TSPAN11: variants seen among roughly 807,000 people sequenced by gnomAD.
TSPAN11 encodes tetraspanin 11.
In TSPAN11, 29 loss-of-function variants were observed where a neutral mutation model predicts 32.9. The ratio of observed to expected loss-of-function variants is 0.88; its 90% confidence interval spans 0.66 to 1.20. The LOEUF (loss-of-function observed/expected upper bound fraction) is 1.20, where lower values mean the gene tolerates loss of function less well. TSPAN11 is among the 50% of genes most tolerant of loss of function. The pLI, the probability that TSPAN11 is intolerant of heterozygous loss-of-function variation, is 0.00. For synonymous variants in TSPAN11, 140 were observed against 141.3 expected, an observed-to-expected ratio of 0.99 and a Z score of 0.07; for missense variants, 283 against 329.1, an observed-to-expected ratio of 0.86 and a Z score of 1.08.
chr12:30,992,231 G>T lies in TSPAN11; in HGVS notation c.*316G>T, dbSNP rs575994158. ...TGGACTACGGGAGGGTGGCGGTTGGGTTCTCTGCTCCCTCCCAGCTCCTGA... is the reference window on the plus strand; with the variant it reads ...TGGACTACGGGAGGGTGGCGGTTGGTTTCTCTGCTCCCTCCCAGCTCCTGA... On this transcript the variant is annotated 3_prime_UTR_variant, in exon 8 of 8. Transcript: ENST00000546076. The T allele has an allele frequency of 7.1e-4, 309 of 433,908 alleles. 1 individual carries two copies. Among genetic ancestry groups the T allele is most frequent in the Non-Finnish European group, 1.2e-3 (277 of 236,696 alleles). 26.9% of individuals were successfully genotyped at this position (433,908 alleles called of 1,614,324 possible). A position where few individuals can be genotyped will look rare whatever the true frequency, so the allele number is the denominator to read the frequency against.
downstream of TSPAN11, among the ~76,000 whole-genome samples, chr12:30,996,782 G>A (rs79050766): frequency 0.02 from 3,017 of 152,264 alleles, 42 homozygotes; most frequent in Middle Eastern, 0.037. Context: ...CCTCATCACT[G>A]ATGTGTTTGA....
At chr12:30,934,660 T>C (rs901707652) in intron 1 of TSPAN11, among the ~76,000 whole-genome samples, 18 of 152,098 alleles carry the variant, frequency 1.2e-4, no homozygotes, top group African/African-American at 4.3e-4. Flanking sequence ...AATTTTTTTC[T>C]TTTAGCTCGT....
At chr12:30,933,960 G>A (rs1027888925) in intron 1 of TSPAN11, among the ~76,000 whole-genome samples, 2 of 152,108 alleles carry the variant, frequency 1.3e-5, no homozygotes, top group East Asian at 1.9e-4. Context: ...ACACACCGGG[G>A]CCCCCATAAG....
At chr12:30,962,980 T>C (rs767470013) in intron 2 of TSPAN11, among the ~76,000 whole-genome samples, 110 of 152,118 alleles carry the variant, frequency 7.2e-4, no homozygotes, top group Non-Finnish European at 1.2e-3. Flanking sequence ...TCATTGCAAA[T>C]AGAACCAGCC....
intron 5 of TSPAN11, among the ~76,000 whole-genome samples, chr12:30,980,332 C>T (rs1168533938): frequency 1.3e-5 from 2 of 152,200 alleles, no homozygotes; most frequent in Admixed American, 6.5e-5. Flanking sequence ...CAATTAAATA[C>T]AACATTCAGT....
downstream of TSPAN11, among the ~76,000 whole-genome samples, chr12:30,998,468 A>T (rs1043338320): frequency 1.3e-5 from 2 of 152,220 alleles, no homozygotes; most frequent in Non-Finnish European, 2.9e-5. Flanking sequence ...TGGGGCAAAG[A>T]GCCATTTTCT....
chr12:30,929,372 T>C (rs1048772800), intron 1 of TSPAN11, among the ~76,000 whole-genome samples: 4 of 152,220 alleles, frequency 2.6e-5, no homozygotes, highest in Admixed American at 2.6e-4. Flanking sequence ...GCTATTTTTA[T>C]GCTACTGGTT....
chr12:30,980,638 A>G (rs1939070843), intron 5 of TSPAN11, among the ~76,000 whole-genome samples: 1 of 148,528 alleles, frequency 6.7e-6, no homozygotes, highest in South Asian at 2.3e-4. Context: ...TGTGAGCCCC[A>G]GCGGCGTCAT....
chr12:30,928,257 G>T (rs1565785351), intron 1 of TSPAN11, among the ~76,000 whole-genome samples: 1 of 152,160 alleles, frequency 6.6e-6, no homozygotes, highest in Admixed American at 6.5e-5. Context: ...CTTCAGATGA[G>T]CCCAGGACAT....
chr12:30,933,539 A>G (rs1201654803), intron 1 of TSPAN11, among the ~76,000 whole-genome samples: 7 of 151,854 alleles, frequency 4.6e-5, no homozygotes, highest in African/African-American at 1.7e-4. Context: ...GCCACCCCCT[A>G]CCTCTGCCCA....
rs539176308 is a variant in TSPAN11, at chr12:30,969,865, G to C, written c.276+5848G>C. Among the ~76,000 whole-genome samples, 9 of 152,312 alleles carry C rather than the reference G, an allele frequency of 5.9e-5. No individual in the cohort carries two copies. The South Asian group carries it at 1.5e-3, about 25-fold the overall frequency. On this transcript the variant is annotated intron_variant, in intron 3 of 7. Transcript: ENST00000546076. ...CAGTTCTAGGCTTAGAGTCTAGTGA[G>C]GAACATGAGGCGCCTGTATTAAAAG...
At position 30,963,966 on chromosome 12, in the gene TSPAN11, C is replaced by T; in HGVS notation, c.225C>T (p.Gly75=). The change falls in exon 3 of 8, where the codon GGC becomes GGT. Residue 75 remains glycine (G), a synonymous_variant. Transcript: ENST00000546076. The part of the protein sequence containing the change: ...IFAGVLVMVT[G]FLGFGAILWE... ...CGGGCGTACTTGTCATGGTGACCGG[C>T]TTCCTGGGCTTCGGTGCCATCCTCT... is the stretch of plus-strand genomic sequence containing the variant. 1 of 1,614,110 alleles carries T rather than the reference C, an allele frequency of 6.2e-7. No homozygotes were observed. The highest frequency in any genetic ancestry group is 8.5e-7 in the Non-Finnish European group (1 of 1,180,030).
intron 7 of TSPAN11, among the ~76,000 whole-genome samples, chr12:30,983,569 G>A (rs1010868653): frequency 6.6e-6 from 1 of 152,148 alleles, no homozygotes; most frequent in African/African-American, 2.4e-5. Flanking sequence ...GTGTGAGTGT[G>A]CACGTATCTG....
intron 1 of TSPAN11, among the ~76,000 whole-genome samples, chr12:30,943,284 AC>A (rs1467395384): frequency 5.3e-5 from 8 of 152,164 alleles, no homozygotes; most frequent in East Asian, 1.9e-4. Flanking sequence ...GAAAAGTCAA[AC>A]GTCTGCTCTG....
chr12:31,015,900 C>G, the TSPAN11 span: 1 of 152,316 alleles, frequency 6.6e-6, no homozygotes, highest in Non-Finnish European at 1.5e-5. This position sits in a 1 kb window ranked among gnomAD's most constrained non-coding sequence, Gnocchi z 4.9. Flanking sequence ...AGAACTGCCC[C>G]TGCCTTCCAG....
chr12:30,948,817 C>T (rs1938321365), intron 1 of TSPAN11, among the ~76,000 whole-genome samples: 1 of 152,198 alleles, frequency 6.6e-6, no homozygotes, highest in Non-Finnish European at 1.5e-5. Flanking sequence ...TGGATTTCTC[C>T]TCAGAAAATG....
intron 3 of TSPAN11, among the ~76,000 whole-genome samples, chr12:30,965,533 C>T (rs1938712703): frequency 6.6e-6 from 1 of 152,136 alleles, no homozygotes; most frequent in African/African-American, 2.4e-5. Context: ...TCCCCTGCAG[C>T]ACTGGGAAAC....
Position 30,992,557 on chromosome 12 carries a change from A to C in TSPAN11, c.*642A>C, listed in dbSNP as rs1939338149. 6.4e-6 allele frequency: 1 copy of C among 157,136 alleles called. No homozygotes were observed. The highest frequency in any genetic ancestry group is 2.4e-5 in the African/African-American group (1 of 41,526). 9.7% of individuals were successfully genotyped at this position (157,136 alleles called of 1,614,324 possible). On this transcript the variant is annotated 3_prime_UTR_variant, in exon 8 of 8. Coordinates refer to ENST00000546076, the MANE Select transcript of TSPAN11 (RefSeq NM_001370302.1). ...GCCGCCCTGGCAGGAAGCAGGGGGT[A>C]AGGTGGCCATACCAGCACATGCTGC...
chr12:30,981,190 C>A (rs1939084369), intron 5 of TSPAN11, among the ~76,000 whole-genome samples: 2 of 152,186 alleles, frequency 1.3e-5, no homozygotes, highest in Admixed American at 1.3e-4. Flanking sequence ...GCCAGAAACA[C>A]TTAGAACCCC....
Sources: allele counts gnomAD v4.1 joint callset (sites outside exome capture counted in the v4.1 genomes callset), GRCh38; gene constraint gnomAD v4.1.1; non-coding constraint Gnocchi (gnomAD v3.1); transcripts MANE v1.5; gene names NCBI Gene and HGNC (gene_info 2026-07-23, HGNC 2026-07-21).